The following UNKL variants were observed in gnomAD, a reference collection of about 807,000 sequenced individuals.
The protein encoded by UNKL is putative E3 ubiquitin-protein ligase UNKL.
In UNKL, 60 loss-of-function variants were observed where a neutral mutation model predicts 78.0. The ratio of observed to expected loss-of-function variants is 0.77; its 90% CI spans 0.63 to 0.95. The LOEUF (loss-of-function observed/expected upper bound fraction) is 0.95. UNKL is among the 40% of genes least tolerant of loss of function. UNKL has a pLI of 0.00. For synonymous variants in UNKL, 608 were observed against 474.8 expected (o/e 1.28, Z -3.65); for missense variants, 1,159 against 1,045.7 (o/e 1.11, Z -1.49).
rs1483953571 is a variant in UNKL, at chr16:1,403,047, G to A, written c.464+121C>T. ...ACTCAGAAAGAAATTCTGGAGGAGAGAGATTTGGGCCAGCAGAGCCTGCAG... is the reference window on the plus strand; with the variant it reads ...ACTCAGAAAGAAATTCTGGAGGAGAAAGATTTGGGCCAGCAGAGCCTGCAG... On this transcript the variant is annotated intron_variant, in intron 3 of 14. Transcript: ENST00000389221. This position sits in a 1 kb window ranked among gnomAD's most constrained non-coding sequence, Gnocchi z 4.8. The A allele has an allele frequency of 4.0e-6, 5 of 1,234,824 alleles. No individual in the cohort carries two copies. Among genetic ancestry groups the A allele is most frequent in the Non-Finnish European group, 3.3e-6 (3 of 916,330 alleles). The allele number at this position is 1,234,824 out of a possible 1,614,324, so 76.5% of individuals were successfully genotyped here.
rs2035664788 is a variant in UNKL, at chr16:1,370,009, G to A, written c.1585+121C>T. On this transcript the variant is annotated intron_variant, in intron 12 of 14. Coordinates refer to ENST00000389221, the MANE Select transcript of UNKL (RefSeq NM_001372107.1). Reference sequence around the variant, plus strand: ...GGAACCTGTGAGCAGCAGGTCATGTGGTTTGCCACCACAGATAGGGCACAA... The same window carrying A: ...GGAACCTGTGAGCAGCAGGTCATGTAGTTTGCCACCACAGATAGGGCACAA... 2.6e-6 allele frequency: 4 copies of A among 1,551,108 alleles called. No individual in the cohort carries two copies. In the South Asian group the frequency reaches 4.8e-5, roughly 18 times the overall value.
chr16:1,379,913 G>A (rs970392545), intron 10 of UNKL, among the ~76,000 whole-genome samples: 2 of 152,214 alleles, frequency 1.3e-5, no homozygotes, highest in Admixed American at 1.3e-4. Context: ...CCGCTGCCCG[G>A]CTCCTCCTGC....
chr16:1,398,237 A>T (rs552297540), intron 5 of UNKL: 1 of 918,142 alleles, frequency 1.1e-6, no homozygotes, highest in East Asian at 1.2e-4. Flanking sequence ...AGACTGCACC[A>T]CCGCACTCCA....
chr16:1,413,896 C>T lies in UNKL; in HGVS notation c.237G>A (p.Val79=), dbSNP rs1411789945. The T allele has an allele frequency of 6.4e-7, 1 of 1,558,638 alleles. No individual in the cohort carries two copies. Among genetic ancestry groups the T allele is most frequent in the South Asian group, 1.2e-5 (1 of 84,666 alleles). ...RDGTFNYSPD[V]YCSKYNEATG... ...TGGCTTCGTTGTACTTGGAGCAGTA[C>T]ACGTCGGGGCTGTAGTTGAAGGTGC... is the stretch of plus-strand genomic sequence containing the variant. The change falls in exon 2 of 15, where the codon GTG becomes GTA. Residue 79 remains valine (V), a synonymous_variant. Coordinates refer to ENST00000389221, the MANE Select transcript of UNKL (RefSeq NM_001372107.1).
chr16:1,399,321 CG>C lies in UNKL; in HGVS notation c.734+52del. The C allele has an allele frequency of 2.0e-6, 3 of 1,498,246 alleles. No homozygotes were observed. Among genetic ancestry groups the C allele is most frequent in the Non-Finnish European group, 2.7e-6 (3 of 1,125,082 alleles). The allele number at this position is 1,498,246 out of a possible 1,614,324, so 92.8% of individuals were successfully genotyped here. On this transcript the variant is annotated intron_variant, in intron 5 of 14. Coordinates refer to ENST00000389221, the MANE Select transcript of UNKL (RefSeq NM_001372107.1). The surrounding 1 kb of genome is among the most constrained non-coding windows in gnomAD (Gnocchi z 5.8). ...GGGGTGGGCAACGCGAGCCACGGGCCGGGAAGGACGCCCACCAGCCGGAGTC... is the reference window on the plus strand; with the variant it reads ...GGGGTGGGCAACGCGAGCCACGGGCCGGAAGGACGCCCACCAGCCGGAGTC...
intron 5 of UNKL, chr16:1,398,533 C>T: frequency 7.5e-7 from 1 of 1,327,582 alleles, no homozygotes; most frequent in Non-Finnish European, 9.7e-7. Flanking sequence ...AAAGGAAGCA[C>T]AGGTGCTCTC....
intron 2 of UNKL, among the ~76,000 whole-genome samples, chr16:1,411,739 C>A (rs530349150): frequency 6.6e-6 from 1 of 151,878 alleles, no homozygotes; most frequent in Non-Finnish European, 1.5e-5. Flanking sequence ...GCAGGAGAAT[C>A]GCTTGAACCT....
At chr16:1,388,144 G>A (rs997218703) in intron 9 of UNKL, among the ~76,000 whole-genome samples, 8 of 152,154 alleles carry the variant, frequency 5.3e-5, no homozygotes, top group African/African-American at 1.9e-4. Context: ...ACGACGCTGG[G>A]GTTTGCAGAG....
intron 1 of UNKL, 109 bp downstream of exon 1, chr16:1,414,506 G>T: frequency 4.3e-6 from 1 of 234,054 alleles, no homozygotes; most frequent in South Asian, 1.4e-4. Flanking sequence ...CCCAGGCGCT[G>T]CGCGGAGGCC....
intron 2 of UNKL, among the ~76,000 whole-genome samples, chr16:1,412,780 G>A (rs758698248): frequency 4.0e-5 from 6 of 151,746 alleles, no homozygotes; most frequent in Non-Finnish European, 5.9e-5. Context: ...AAACCTGGCC[G>A]GGCGCAGTGG....
intron 10 of UNKL, among the ~76,000 whole-genome samples, chr16:1,377,639 C>T (rs567466596): frequency 1.1e-3 from 166 of 152,252 alleles, no homozygotes; most frequent in Admixed American, 3.6e-3. Flanking sequence ...CCCTCCCAGG[C>T]CCACCCTCCT....
At chr16:1,400,648 G>T (rs560251571) in intron 4 of UNKL, among the ~76,000 whole-genome samples, 188 of 152,032 alleles carry the variant, frequency 1.2e-3, no homozygotes, top group South Asian at 4.2e-3. Flanking sequence ...AATGCCACTG[G>T]ACTGTACACT....
chr16:1,385,281 G>A lies in UNKL; in HGVS notation c.1191C>T (p.Pro397=), dbSNP rs374080994. The change falls in exon 10 of 15, where the codon CCC becomes CCT. Residue 397 remains proline, a synonymous_variant. Coordinates refer to ENST00000389221, the MANE Select transcript of UNKL (RefSeq NM_001372107.1). The part of the protein sequence containing the change: ...ASSAGSGSSS[P]TALPAPPARA... ...GGGCGGGGGGCGCGGGCAGCGCAGT[G>A]GGGGAGGAGCTGCCGGAGCCGGCGC... is the stretch of plus-strand genomic sequence containing the variant. 109 of 1,366,322 alleles carry A rather than the reference G, an allele frequency of 8.0e-5. 1 individual carries two copies. In the East Asian group the frequency reaches 1.7e-3, roughly 22 times the overall value. The allele number at this position is 1,366,322 out of a possible 1,614,324, so 84.6% of individuals were successfully genotyped here.
In UNKL at chr16:1,367,327, T is replaced by C; in HGVS notation, c.1811A>G (p.Glu604Gly). 6.5e-7 allele frequency: 1 copy of C among 1,546,998 alleles called. No homozygotes were observed. The highest frequency in any genetic ancestry group is 8.7e-7 in the Non-Finnish European group (1 of 1,150,742). Residue 604 changes from glutamate to glycine, a missense_variant, in exon 14 of 15, where the codon GAG becomes GGG. By Grantham distance (98) the Glu-to-Gly change is moderately conservative. Transcript: ENST00000389221. ...VKQVCDAWQR[E>G]AQEAKERARV... ...GGCACGCTCCTTGGCCTCCTGCGCCTCTCGCTGCCAGGCATCGCAGACCTG... is the reference window on the plus strand; with the variant it reads ...GGCACGCTCCTTGGCCTCCTGCGCCCCTCGCTGCCAGGCATCGCAGACCTG...
At chr16:1,370,047 G>T (rs915118435) in intron 12 of UNKL, 83 bp downstream of exon 12, 22 of 1,550,820 alleles carry the variant, frequency 1.4e-5, no homozygotes, top group Non-Finnish European at 1.8e-5. Flanking sequence ...TTCCGTGTGA[G>T]GCCCCTCAGT....
At chr16:1,369,616 G>A (rs918803834) in intron 12 of UNKL, among the ~76,000 whole-genome samples, 1 of 152,060 alleles carries the variant, frequency 6.6e-6, no homozygotes, top group African/African-American at 2.4e-5. Flanking sequence ...TGATCCGCCT[G>A]CCTCAGCCTC....
At position 1,367,745 on chromosome 16, in the gene UNKL, C is replaced by G; in HGVS notation, c.1699G>C (p.Gly567Arg). The change falls in exon 13 of 15, where the codon GGA (glycine) becomes CGA (arginine). Residue 567 changes from glycine to arginine, a missense_variant. By Grantham distance (125) the Gly-to-Arg change is moderately radical (BLOSUM62 -2). Transcript: ENST00000389221. ...CGCCTGACCCGGGCCAGCTCAGCTC[C>G]GTTTGGACTTGCACTCGAAGAGGAT... ...PPSSSSASPN[G>R]AELARVRRQL... 1 of 1,576,898 alleles carries G rather than the reference C, an allele frequency of 6.3e-7. No homozygotes were observed. The highest frequency in any genetic ancestry group is 1.7e-4 in the Middle Eastern group (1 of 6,022).
At chr16:1,384,225 T>C (rs761066) in intron 10 of UNKL, among the ~76,000 whole-genome samples, 137,700 of 150,000 alleles carry the variant, frequency 0.92, 63,273 homozygotes, top group East Asian at 1. Flanking sequence ...CCCAACACGG[T>C]GGGTGTCCCC....
intron 2 of UNKL, among the ~76,000 whole-genome samples, chr16:1,407,021 C>T (rs141504940): frequency 3.3e-5 from 5 of 151,900 alleles, no homozygotes; most frequent in African/African-American, 7.3e-5. Context: ...TGGTGGCGCA[C>T]GCCTGTAATC....
Sources: gnomAD v4.1 joint callset for allele counts (sites outside exome capture counted in the v4.1 genomes callset) on GRCh38, gnomAD v4.1.1 for gene constraint, Gnocchi (gnomAD v3.1) non-coding constraint, MANE v1.5 for transcripts, NCBI Gene and HGNC (gene_info 2026-07-23, HGNC 2026-07-21) for gene names.